ACTR3C: variants seen among roughly 807,000 people sequenced by gnomAD.
ACTR3C encodes the protein actin related protein 3C, also known as actin-related protein 3C.
Under a neutral mutation model 26.3 loss-of-function variants are expected in ACTR3C, and 18 were observed. The observed-to-expected ratio is 0.68, with a 90% CI of 0.47 to 1.01. The LOEUF is 1.01. Ranked by LOEUF, ACTR3C falls within the 50% of genes least tolerant of loss-of-function variation. The pLI, the probability that ACTR3C is intolerant of heterozygous loss-of-function variation, is 0.00. For missense variants in ACTR3C, 184 were observed against 250.7 expected, an observed-to-expected ratio of 0.73 and a Z score of 1.80; for synonymous variants, 55 against 94.5, an observed-to-expected ratio of 0.58 and a Z score of 2.42.
chr7:150,011,326 C>T, the ACTR3C span, among the ~76,000 whole-genome samples: 1 of 151,844 alleles, frequency 6.6e-6, no homozygotes, highest in Non-Finnish European at 1.5e-5. Context: ...GTGGCTCACG[C>T]CTGTAATCTC....
chr7:150,291,491 C>T lies in ACTR3C; in HGVS notation c.153+1821G>A, dbSNP rs571364756. 1.7e-3 allele frequency among the ~76,000 whole-genome samples: 261 copies of T among 152,166 alleles called. 1 individual carries two copies. The highest frequency in any genetic ancestry group is 5.9e-3 in the African/African-American group (243 of 41,514). On this transcript the variant is annotated intron_variant, in intron 3 of 7. Transcript: ENST00000683684. ...TAAAAGTATAATACAGGTCTTTGGG[C>T]GGCTTTAAAGGTAATTTTATTTCTT...
chr7:150,033,454 C>T, the ACTR3C span, among the ~76,000 whole-genome samples: 2,315 of 140,762 alleles, frequency 0.016, 13 homozygotes, highest in Non-Finnish European at 0.019. Flanking sequence ...TCTCATGCAC[C>T]TGCCGTCGGA....
the ACTR3C span, among the ~76,000 whole-genome samples, chr7:149,985,145 CAA>C: frequency 6.7e-6 from 1 of 149,646 alleles, no homozygotes; most frequent in Non-Finnish European, 1.5e-5. Flanking sequence ...AGTCTGAAGA[CAA>C]AGAGATTATA....
intron 6 of ACTR3C, among the ~76,000 whole-genome samples, chr7:150,282,083 A>C (rs1008367257): frequency 7.0e-6 from 1 of 143,432 alleles, no homozygotes; most frequent in Non-Finnish European, 1.5e-5. Flanking sequence ...TTTGGAAAGA[A>C]GTCCCTTTCT....
the ACTR3C span, among the ~76,000 whole-genome samples, chr7:149,975,522 A>G: frequency 4.7e-4 from 72 of 152,094 alleles, no homozygotes; most frequent in Non-Finnish European, 7.9e-4. Flanking sequence ...GCTAAACCCA[A>G]AGCAAGCAGA....
chr7:150,081,892 CT>C, the ACTR3C span, among the ~76,000 whole-genome samples: 1 of 151,784 alleles, frequency 6.6e-6, no homozygotes, highest in Non-Finnish European at 1.5e-5. Flanking sequence ...AGAAGCTCAT[CT>C]GCAAGAAGCC....
the ACTR3C span, chr7:150,047,831 G>C: frequency 9.9e-6 from 15 of 1,522,258 alleles, no homozygotes; most frequent in African/African-American, 2.1e-4. Flanking sequence ...TCTTGCCGGT[G>C]AACCTCTGGT....
the ACTR3C span, among the ~76,000 whole-genome samples, chr7:150,037,812 A>G: frequency 2.3e-5 from 1 of 44,296 alleles, no homozygotes; most frequent in Non-Finnish European, 5.6e-5. Flanking sequence ...GCGGGGGAAG[A>G]GGGACTGGCA....
At chr7:150,024,315 C>T in the ACTR3C span, among the ~76,000 whole-genome samples, 371 of 152,226 alleles carry the variant, frequency 2.4e-3, 5 homozygotes, top group East Asian at 0.018. Flanking sequence ...AGCAGGAGGA[C>T]CCACGGGAGG....
chr7:149,981,984 A>G, the ACTR3C span, among the ~76,000 whole-genome samples: 1 of 152,224 alleles, frequency 6.6e-6, no homozygotes, highest in South Asian at 2.1e-4. Context: ...AATGAGACCC[A>G]TGGCTACAGC....
the ACTR3C span, among the ~76,000 whole-genome samples, chr7:149,967,625 GGTACTA>G: frequency 6.6e-6 from 1 of 152,288 alleles, no homozygotes; most frequent in East Asian, 1.9e-4. Context: ...TAAGCAAAAT[GGTACTA>G]GAAATAGCTT....
the ACTR3C span, among the ~76,000 whole-genome samples, chr7:150,149,079 G>GTATATATATA: frequency 1.5e-4 from 14 of 93,148 alleles, 1 homozygote; most frequent in South Asian, 4.3e-4. Context: ...TAAAGTTTGA[G>GTATATATATA]TATATATATA....
chr7:149,960,208 C>G, the ACTR3C span, among the ~76,000 whole-genome samples: 1 of 151,746 alleles, frequency 6.6e-6, no homozygotes, highest in Admixed American at 6.6e-5. Context: ...TGATCAAGAT[C>G]TCTAAAAGCA....
the ACTR3C span, among the ~76,000 whole-genome samples, chr7:150,034,589 C>T: frequency 2.6e-5 from 4 of 151,706 alleles, no homozygotes; most frequent in South Asian, 4.2e-4. Flanking sequence ...TGCCCTTAAG[C>T]TCCGGTAGAT....
chr7:150,182,945 CT>C, the ACTR3C span, among the ~76,000 whole-genome samples: 1 of 150,904 alleles, frequency 6.6e-6, no homozygotes, highest in Non-Finnish European at 1.5e-5. Flanking sequence ...AATTCAAGAA[CT>C]CCATCTTCTA....
At chr7:149,935,749 C>T in the ACTR3C span, among the ~76,000 whole-genome samples, 5 of 150,658 alleles carry the variant, frequency 3.3e-5, no homozygotes, top group Non-Finnish European at 5.9e-5. Flanking sequence ...CAAATAAAAC[C>T]AACAAGGATA....
At chr7:150,194,493 G>A in the ACTR3C span, among the ~76,000 whole-genome samples, 12 of 149,858 alleles carry the variant, frequency 8.0e-5, no homozygotes, top group Middle Eastern at 3.4e-3. Flanking sequence ...AGAGCTTATA[G>A]TTTTTTCTTT....
the ACTR3C span, among the ~76,000 whole-genome samples, chr7:150,238,809 A>T: frequency 6.7e-6 from 1 of 149,000 alleles, no homozygotes; most frequent in Non-Finnish European, 1.5e-5. Flanking sequence ...ATAAAATCAC[A>T]AATCTTAATT....
the ACTR3C span, among the ~76,000 whole-genome samples, chr7:150,096,840 A>G: frequency 2.6e-5 from 4 of 151,864 alleles, no homozygotes; most frequent in Non-Finnish European, 5.9e-5. Flanking sequence ...CTTAGGTCTC[A>G]GGAGAGCTTG....
Sources: allele counts gnomAD v4.1 joint callset (sites outside exome capture counted in the v4.1 genomes callset), GRCh38; gene constraint gnomAD v4.1.1; transcripts MANE v1.5; gene names NCBI Gene and HGNC (gene_info 2026-07-23, HGNC 2026-07-21).